PTPRE: variants seen among roughly 807,000 people sequenced by gnomAD.
PTPRE encodes the protein protein tyrosine phosphatase receptor type E.
A neutral mutation model predicts 102.0 loss-of-function variants in PTPRE; 51 were observed. That is an observed-to-expected ratio of 0.50 (90% CI 0.40 to 0.63). PTPRE has a LOEUF of 0.63. Among genes scored for constraint, PTPRE ranks in the 30% least tolerant of loss-of-function variants. The pLI is 0.00. For missense variants in PTPRE, 752 were observed against 915.1 expected (o/e 0.82, Z 2.30); for synonymous variants, 345 against 348.2 (o/e 0.99, Z 0.10).
intron 1 of PTPRE, among the ~76,000 whole-genome samples, chr10:127,972,214 C>T (rs2135428625): frequency 6.6e-6 from 1 of 152,276 alleles, no homozygotes; most frequent in Non-Finnish European, 1.5e-5. Flanking sequence ...GACTGCTCCT[C>T]CACACACAAC....
intron 2 of PTPRE, among the ~76,000 whole-genome samples, chr10:128,010,590 T>TCTTTC (rs1554919838): frequency 7.3e-5 from 11 of 149,898 alleles, no homozygotes; most frequent in Admixed American, 4.0e-4. Context: ...TCTTTTCTTT[T>TCTTTC]CTTTCCTTTT....
intron 17 of PTPRE, among the ~76,000 whole-genome samples, chr10:128,073,854 C>A (rs1850997305): frequency 6.6e-6 from 1 of 152,144 alleles, no homozygotes; most frequent in South Asian, 2.1e-4. Context: ...CTGGGTTCTC[C>A]CCCAAGACAT....
chr10:127,915,992 A>AG (rs1232092311), intron 1 of PTPRE, among the ~76,000 whole-genome samples: 2 of 150,276 alleles, frequency 1.3e-5, no homozygotes, highest in Non-Finnish European at 3.0e-5. Flanking sequence ...CTGGAGTTAC[A>AG]GGGAAAAAAA....
intron 2 of PTPRE, among the ~76,000 whole-genome samples, chr10:128,029,863 G>A (rs1334399478): frequency 1.3e-5 from 2 of 152,204 alleles, no homozygotes; most frequent in African/African-American, 2.4e-5. Context: ...GACAGCTCCT[G>A]GGCATCAATG....
chr10:127,971,307 A>T (rs548493458), intron 1 of PTPRE, among the ~76,000 whole-genome samples: 50 of 152,304 alleles, frequency 3.3e-4, no homozygotes, highest in Middle Eastern at 3.4e-3. Flanking sequence ...AGTATCAGGG[A>T]GCTGTTGGGA....
chr10:127,991,166 G>A (rs181052586), intron 2 of PTPRE, among the ~76,000 whole-genome samples: 264 of 152,286 alleles, frequency 1.7e-3, no homozygotes, highest in Non-Finnish European at 3.1e-3. Flanking sequence ...GGATGTCACC[G>A]GGATGAAGTT....
At chr10:127,948,306 T>C (rs1848770191) in intron 1 of PTPRE, among the ~76,000 whole-genome samples, 1 of 152,086 alleles carries the variant, frequency 6.6e-6, no homozygotes, top group African/African-American at 2.4e-5. Context: ...AGATTTCCCA[T>C]ATGCCCCTTA....
rs951309924 is a variant in PTPRE, at chr10:128,084,095, T to C, written c.*1189T>C. The C allele has an allele frequency of 6.7e-6, 1 of 150,348 alleles. No individual in the cohort carries two copies. The highest frequency in any genetic ancestry group is 1.5e-5 in the Non-Finnish European group (1 of 67,878). 9.3% of individuals were successfully genotyped at this position (150,348 alleles called of 1,614,324 possible). ...GAAATACTACTGAGACCATTGACAC[T>C]GGATAACAGTAATGATCCCATTACC... On this transcript the variant is annotated 3_prime_UTR_variant, in exon 21 of 21. Transcript: ENST00000254667.
chr10:127,941,150 G>A (rs550982543), intron 1 of PTPRE, among the ~76,000 whole-genome samples: 1 of 152,308 alleles, frequency 6.6e-6, no homozygotes, highest in African/African-American at 2.4e-5. Flanking sequence ...CTGGTGGGAG[G>A]TGGAGGCCCT....
At chr10:128,066,251 C>T (rs10764743) in intron 11 of PTPRE, 57 bp downstream of exon 11, 797,309 of 1,593,810 alleles carry the variant, frequency 0.5, 201,393 homozygotes, top group Middle Eastern at 0.54. Flanking sequence ...AGCATCATGC[C>T]CAGAGTTAAC....
intron 1 of PTPRE, 107 bp from the exon 2 acceptor site, chr10:127,982,167 C>G: frequency 3.2e-6 from 2 of 617,764 alleles, no homozygotes; most frequent in Non-Finnish European, 4.8e-6. Context: ...AACAATTAAG[C>G]AAAAATGGGA....
At chr10:127,909,619 A>T (rs2135120268) in intron 1 of PTPRE, among the ~76,000 whole-genome samples, 1 of 152,244 alleles carries the variant, frequency 6.6e-6, no homozygotes, top group Admixed American at 6.5e-5. Flanking sequence ...TGTTGTCTTT[A>T]TCCATCCAAT....
chr10:128,028,108 C>T lies in PTPRE; in HGVS notation c.-7-12767C>T, dbSNP rs577356024. ...AGCCCAGGACACTGATGGTGCAGAC[C>T]ACTGGATTTCTGGAGAACACTGTAC... On this transcript the variant is annotated intron_variant, in intron 2 of 20. Transcript: ENST00000254667. The surrounding 1 kb of genome is among the most constrained non-coding windows in gnomAD (Gnocchi z 4.5). Among the ~76,000 whole-genome samples, 1 of 152,316 alleles carries T rather than the reference C, an allele frequency of 6.6e-6. No homozygotes were observed. Among genetic ancestry groups the T allele is most frequent in the South Asian group, 2.1e-4 (1 of 4,820 alleles).
Position 128,085,636 on chromosome 10 carries a change from T to G in PTPRE, c.*2730T>G, listed in dbSNP as rs79808169. On this transcript the variant is annotated 3_prime_UTR_variant, in exon 21 of 21. Transcript: ENST00000254667. ...TTTAAGTGTATAATTACTGATACTT[T>G]TTTGTTTGTTTGTTTAACTAAGTTG... 1 of 151,628 alleles carries G rather than the reference T, an allele frequency of 6.6e-6. No homozygotes were observed. The highest frequency in any genetic ancestry group is 1.9e-4 in the East Asian group (1 of 5,192). The allele number at this position is 151,628 out of a possible 1,614,324, so 9.4% of individuals were successfully genotyped here.
intron 2 of PTPRE, chr10:127,998,588 A>G (rs1476322853): frequency 6.6e-6 from 1 of 152,208 alleles, no homozygotes; most frequent in Non-Finnish European, 1.5e-5. Context: ...AATTCTTGGG[A>G]TGAATGAAAG....
chr10:128,071,239 C>A (rs979690761), intron 15 of PTPRE: 1 of 355,044 alleles, frequency 2.8e-6, no homozygotes, highest in Non-Finnish European at 5.3e-6. Flanking sequence ...TTCCTTGTCT[C>A]ATTCCTTGTC....
intron 1 of PTPRE, among the ~76,000 whole-genome samples, chr10:127,924,371 G>A (rs765723552): frequency 3.3e-5 from 5 of 152,168 alleles, no homozygotes; most frequent in East Asian, 3.9e-4. Flanking sequence ...GACTACAGGC[G>A]CCCACCACCG....
chr10:128,031,818 A>C (rs1025508484), intron 2 of PTPRE, among the ~76,000 whole-genome samples: 1 of 152,136 alleles, frequency 6.6e-6, no homozygotes, highest in African/African-American at 2.4e-5. Flanking sequence ...AGCAGGTCTC[A>C]TGACAGAGGG....
chr10:127,980,014 T>C (rs1429040683), intron 1 of PTPRE, among the ~76,000 whole-genome samples: 1 of 152,238 alleles, frequency 6.6e-6, no homozygotes, highest in Non-Finnish European at 1.5e-5. Flanking sequence ...CGAGTCACTC[T>C]TTTTAGCATC....
Sources: gnomAD v4.1 joint callset for allele counts (sites outside exome capture counted in the v4.1 genomes callset) on GRCh38, gnomAD v4.1.1 for gene constraint, Gnocchi (gnomAD v3.1) non-coding constraint, MANE v1.5 for transcripts, NCBI Gene and HGNC (gene_info 2026-07-23, HGNC 2026-07-21) for gene names.